Variants in TAF6 observed in about 807,000 individuals in gnomAD.
TAF6 encodes the protein TATA-box binding protein associated factor 6, also known as transcription initiation factor TFIID subunit 6.
In TAF6, 50 loss-of-function variants were observed where a neutral mutation model predicts 73.5. The ratio of observed to expected loss-of-function variants is 0.68; its 90% CI spans 0.54 to 0.86. The LOEUF is 0.86. Ranked by LOEUF, TAF6 falls within the 40% of genes least tolerant of loss-of-function variation. TAF6 has a pLI of 0.00. For synonymous variants in TAF6, 424 were observed against 376.7 expected (o/e 1.13, Z -1.45); for missense variants, 768 against 899.5 (o/e 0.85, Z 1.87).
chr7:100,111,874 C>A (rs145585132), intron 8 of TAF6, 45 bp from the exon 9 acceptor site: 29 of 1,614,094 alleles, frequency 1.8e-5, no homozygotes, highest in Non-Finnish European at 2.4e-5. Flanking sequence ...GAGACCCTCA[C>A]AGGAGCTTCC....
At chr7:100,121,853 A>G (rs548210740), upstream of TAF6, among the ~76,000 whole-genome samples, 162 of 151,186 alleles carry the variant, frequency 1.1e-3, 2 homozygotes, top group South Asian at 0.03. Context: ...GATCGAGACC[A>G]TCCTGGCTAA....
chr7:100,117,497 C>G (rs1296223095), intron 1 of TAF6, among the ~76,000 whole-genome samples: 2 of 151,552 alleles, frequency 1.3e-5, no homozygotes, highest in African/African-American at 4.8e-5. Flanking sequence ...GTCTTGAACT[C>G]CTGACCTCAG....
At position 100,113,751 on chromosome 7, in the gene TAF6, C is replaced by T. The variant is rs759298744; in HGVS notation, c.262G>A (p.Ala88Thr). 25 of 1,613,504 alleles carry T rather than the reference C, an allele frequency of 1.5e-5. No homozygotes were observed. In the East Asian group the frequency reaches 1.8e-4, roughly 12 times the overall value. The change falls in exon 4 of 15, where the codon GCC becomes ACC. Residue 88 changes from alanine (A) to threonine (T), a missense_variant. Ala to Thr is a moderately conservative substitution (Grantham distance 58). Transcript: ENST00000453269. ...AAGCGGAAAGGAATGAACTCCTGGGCGTGGAAGCCATAGAGTGGCTGTGGC... is the reference window on the plus strand; with the variant it reads ...AAGCGGAAAGGAATGAACTCCTGGGTGTGGAAGCCATAGAGTGGCTGTGGC... ...KNVEPLYGFH[A>T]QEFIPFRFAS...
At chr7:100,117,974 A>G (rs530639507) in intron 1 of TAF6, among the ~76,000 whole-genome samples, 21 of 146,848 alleles carry the variant, frequency 1.4e-4, no homozygotes, top group African/African-American at 5.0e-4. Context: ...TGAGCCCGGG[A>G]GGCGGAGCTT....
intron 12 of TAF6, 72 bp from the exon 13 acceptor site, chr7:100,108,612 C>G (rs1194397681): frequency 1.3e-6 from 2 of 1,508,884 alleles, no homozygotes; most frequent in East Asian, 4.6e-5. Flanking sequence ...GGGCTGGTGA[C>G]ACTCTTGAGA....
At chr7:100,118,981 G>C in intron 1 of TAF6, 1 of 985,404 alleles carries the variant, frequency 1.0e-6, no homozygotes. Flanking sequence ...GCCAGTAAAG[G>C]CTCATAAAAC....
intron 6 of TAF6, among the ~76,000 whole-genome samples, 181 bp from the exon 7 acceptor site, chr7:100,112,434 C>G (rs1179356926): frequency 6.6e-6 from 1 of 152,192 alleles, no homozygotes; most frequent in East Asian, 1.9e-4. Flanking sequence ...ACATGGAGGC[C>G]TGGCATGGTG....
chr7:100,107,085 C>G lies in TAF6; in HGVS notation c.*161G>C. On this transcript the variant is annotated 3_prime_UTR_variant, in exon 15 of 15. Transcript: ENST00000453269. ...CTGCAGTGGATCAGAACTTACAAAC[C>G]AAACTTTTATTCTGAGAAACTGGCT... 2 of 1,300,996 alleles carry G rather than the reference C, an allele frequency of 1.5e-6. No homozygotes were observed. Among genetic ancestry groups the G allele is most frequent in the Non-Finnish European group, 2.1e-6 (2 of 959,202 alleles). 80.6% of individuals were successfully genotyped at this position (1,300,996 alleles called of 1,614,324 possible). A position where few individuals can be genotyped will look rare whatever the true frequency, so the allele number is the denominator to read the frequency against.
upstream of TAF6, chr7:100,119,561 A>T (rs1486735289): frequency 7.0e-7 from 1 of 1,419,836 alleles, no homozygotes; most frequent in South Asian, 1.3e-5. Flanking sequence ...AAGAGGCGCC[A>T]CAAAACGGAG....
At chr7:100,107,838 G>A in intron 14 of TAF6, 88 bp downstream of exon 14, 4 of 1,483,542 alleles carry the variant, frequency 2.7e-6, no homozygotes, top group African/African-American at 1.4e-5. Context: ...GGGCCCAGAG[G>A]GGACTGTGCT....
chr7:100,110,939 A>ACG (rs1797128432), intron 10 of TAF6, among the ~76,000 whole-genome samples, 200 bp downstream of exon 10: 1 of 151,208 alleles, frequency 6.6e-6, no homozygotes, highest in African/African-American at 2.4e-5. Context: ...CAGAGATTGC[A>ACG]CCACTGCACT....
chr7:100,122,897 C>CA, upstream of TAF6: 1 of 1,612,498 alleles, frequency 6.2e-7, no homozygotes, highest in Non-Finnish European at 8.5e-7. Context: ...TCACATACCT[C>CA]AAGAAGCAGG....
At chr7:100,111,005 G>T in intron 10 of TAF6, 134 bp downstream of exon 10, 43 of 857,944 alleles carry the variant, frequency 5.0e-5, no homozygotes, top group Non-Finnish European at 6.9e-5. Flanking sequence ...AGGTATTACA[G>T]ACAAGCCTCA....
rs780058553 is a variant in TAF6 at position 100,113,952 on chromosome 7, A to T, written c.159T>A (p.Asp53Glu). 3.7e-6 allele frequency: 6 copies of T among 1,613,922 alleles called. No homozygotes were observed. Among genetic ancestry groups the T allele is most frequent in the Non-Finnish European group, 5.1e-6 (6 of 1,180,028 alleles). ...TCCCCATGTGCATGAACTTCAAGGC[A>T]TCCTGGGGTCGGTGACAGAACAGAC... Reference protein sequence around the residue: ...VSYRIKEIAQDALKFMHMGKR... With the variant: ...VSYRIKEIAQEALKFMHMGKR... The change falls in exon 3 of 15, where the codon GAT (aspartate) becomes GAA (glutamate). Residue 53 changes from aspartate to glutamate, a missense_variant and splice_region_variant. Coordinates refer to ENST00000453269, the MANE Select transcript of TAF6 (RefSeq NM_139315.3).
upstream of TAF6, chr7:100,122,230 T>TC (rs768619401): frequency 2.1e-5 from 34 of 1,611,664 alleles, no homozygotes; most frequent in Middle Eastern, 1.7e-4. Flanking sequence ...GTCTTTTACC[T>TC]CCCCCCGGAC....
At chr7:100,111,081 C>T in intron 10 of TAF6, 58 bp downstream of exon 10, 2 of 1,578,330 alleles carry the variant, frequency 1.3e-6, no homozygotes, top group Admixed American at 1.7e-5. Context: ...AGTGTGACTT[C>T]CCCCAACCAG....
At chr7:100,113,090 C>T (rs1228475032) in intron 5 of TAF6, among the ~76,000 whole-genome samples, 173 bp from the exon 6 acceptor site, 1 of 151,916 alleles carries the variant, frequency 6.6e-6, no homozygotes, top group East Asian at 1.9e-4. Context: ...CATGGTGAAA[C>T]CTCGTGTCTA....
At chr7:100,122,175 C>G (rs1584587364), upstream of TAF6, 1 of 1,552,010 alleles carries the variant, frequency 6.4e-7, no homozygotes, top group African/African-American at 1.4e-5. Context: ...CACTTGTATG[C>G]TCTGCTGCCT....
chr7:100,116,314 G>C (rs1797668000), intron 1 of TAF6, among the ~76,000 whole-genome samples: 5 of 152,036 alleles, frequency 3.3e-5, no homozygotes, highest in Admixed American at 3.3e-4. Context: ...TTGGGCTTAG[G>C]AATTCCTGAC....
Sources: allele counts gnomAD v4.1 joint callset (sites outside exome capture counted in the v4.1 genomes callset), GRCh38; gene constraint gnomAD v4.1.1; transcripts MANE v1.5; gene names NCBI Gene and HGNC (gene_info 2026-07-23, HGNC 2026-07-21).